Variants in RBFOX1 observed in about 807,000 individuals in gnomAD.
The protein encoded by RBFOX1 is RNA binding protein fox-1 homolog 1.
A neutral mutation model predicts 57.7 loss-of-function variants in RBFOX1; 8 were observed. That is an observed-to-expected ratio of 0.14 (90% CI 0.08 to 0.25). RBFOX1 has a LOEUF of 0.25. Ranked by LOEUF, RBFOX1 falls within the 10% of genes least tolerant of loss-of-function variation. The probability of loss-of-function intolerance (pLI) is 1.00; values close to 1 mark genes in which losing one functional copy is unlikely to be tolerated. For missense variants in RBFOX1, 611 were observed against 548.5 expected (o/e 1.11, Z -1.14); for synonymous variants, 326 against 222.4 (o/e 1.47, Z -4.15).
intron 2 of RBFOX1, among the ~76,000 whole-genome samples, chr16:5,500,767 G>T (rs2043166755): frequency 6.6e-6 from 1 of 152,122 alleles, no homozygotes; most frequent in East Asian, 1.9e-4. Context: ...TAAGCTTTTT[G>T]CGTGGTAACT....
In RBFOX1 at chr16:6,507,805, G is replaced by T. The variant is rs560088329; in HGVS notation, c.-63-146798G>T. On this transcript the variant is annotated intron_variant, in intron 2 of 15. Transcript: ENST00000550418. ...AAGACAGAAAGTAGAGTGGTGGTTA[G>T]CCAGGGCTAGAAGGAGGGGGGAATG... 4.6e-5 allele frequency among the ~76,000 whole-genome samples: 7 copies of T among 152,192 alleles called. No homozygotes were observed. In the South Asian group the frequency reaches 1.2e-3, roughly 27 times the overall value.
intron 4 of RBFOX1, among the ~76,000 whole-genome samples, chr16:7,460,063 G>T (rs534986107): frequency 3.3e-5 from 5 of 152,080 alleles, no homozygotes; most frequent in African/African-American, 9.6e-5. Context: ...CAGACTTAGG[G>T]TTAGATAATT....
intron 3 of RBFOX1, among the ~76,000 whole-genome samples, chr16:6,655,023 A>G (rs2098637098): frequency 6.6e-6 from 1 of 151,748 alleles, no homozygotes; most frequent in African/African-American, 2.4e-5. Flanking sequence ...ACATTATAGA[A>G]TATATAATAT....
intron 1 of RBFOX1, among the ~76,000 whole-genome samples, chr16:5,429,616 AG>A (rs1398627046): frequency 1.3e-5 from 2 of 152,172 alleles, no homozygotes; most frequent in Admixed American, 6.5e-5. Flanking sequence ...CATGTGGTTC[AG>A]CTCTGAGTCT....
chr16:6,853,467 G>T (rs544654325), intron 3 of RBFOX1, among the ~76,000 whole-genome samples: 1 of 152,112 alleles, frequency 6.6e-6, no homozygotes, highest in South Asian at 2.1e-4. Flanking sequence ...CATCCTGATG[G>T]AGGATGGTGC....
chr16:7,411,323 T>A (rs957423352), intron 4 of RBFOX1, among the ~76,000 whole-genome samples: 1 of 152,126 alleles, frequency 6.6e-6, no homozygotes, highest in Non-Finnish European at 1.5e-5. Flanking sequence ...GGTCTCATCC[T>A]CCTCAGTTTA....
chr16:7,099,703 A>G (rs1369672271), intron 4 of RBFOX1, among the ~76,000 whole-genome samples: 4 of 152,118 alleles, frequency 2.6e-5, no homozygotes, highest in Admixed American at 2.0e-4. Flanking sequence ...CATTGGTTCT[A>G]CCTGGAAGGG....
chr16:6,729,035 A>T (rs2067907158), intron 3 of RBFOX1, among the ~76,000 whole-genome samples: 1 of 152,178 alleles, frequency 6.6e-6, no homozygotes, highest in Middle Eastern at 3.2e-3. Context: ...ATAACTTTAA[A>T]TAATTCATTT....
At chr16:5,332,606 A>T (rs766118579) in intron 1 of RBFOX1, among the ~76,000 whole-genome samples, 1 of 145,410 alleles carries the variant, frequency 6.9e-6, no homozygotes, top group African/African-American at 2.8e-5. Flanking sequence ...AGATTCAAAT[A>T]AATATATATA....
At chr16:5,977,764 T>C (rs2060094265) in intron 4 of RBFOX1, among the ~76,000 whole-genome samples, 1 of 152,094 alleles carries the variant, frequency 6.6e-6, no homozygotes, top group Admixed American at 6.6e-5. Context: ...GGCAGGCAAC[T>C]AGCCCACTGT....
chr16:7,256,046 G>A (rs2094667391), intron 4 of RBFOX1, among the ~76,000 whole-genome samples: 2 of 152,136 alleles, frequency 1.3e-5, no homozygotes, highest in Admixed American at 1.3e-4. Context: ...AATACATACT[G>A]CCTTTGTAAT....
intron 12 of RBFOX1, among the ~76,000 whole-genome samples, chr16:7,664,134 G>C (rs547745939): frequency 9.9e-5 from 15 of 152,218 alleles, no homozygotes; most frequent in African/African-American, 2.6e-4. Flanking sequence ...GTACATATAA[G>C]TACACAAATA....
chr16:7,067,943 A>G (rs1220149417), intron 4 of RBFOX1, among the ~76,000 whole-genome samples: 1 of 142,434 alleles, frequency 7.0e-6, no homozygotes, highest in Non-Finnish European at 1.5e-5. Flanking sequence ...TAGTGTCTAG[A>G]GGGCGCCATT....
At chr16:6,775,870 C>T (rs937518357) in intron 3 of RBFOX1, 4 of 152,180 alleles carry the variant, frequency 2.6e-5, no homozygotes, top group Non-Finnish European at 4.4e-5. Context: ...TGCAAAGCTT[C>T]CACGATCCTC....
intron 4 of RBFOX1, among the ~76,000 whole-genome samples, chr16:5,991,443 C>T (rs893064649): frequency 4.6e-5 from 7 of 152,118 alleles, no homozygotes; most frequent in Non-Finnish European, 1.0e-4. Flanking sequence ...CAGCTTTGTG[C>T]TGGGGAATGG....
chr16:7,084,571 A>G (rs930580862), intron 4 of RBFOX1, among the ~76,000 whole-genome samples: 4 of 152,198 alleles, frequency 2.6e-5, no homozygotes, highest in Admixed American at 1.3e-4. Context: ...GTGCTGCCTC[A>G]TAACTGACTT....
chr16:5,639,260 C>T (rs1055236847), intron 3 of RBFOX1, among the ~76,000 whole-genome samples: 1 of 152,218 alleles, frequency 6.6e-6, no homozygotes, highest in South Asian at 2.1e-4. Context: ...ACTAATTGCA[C>T]AATTGTGCTG....
At chr16:5,945,279 C>G (rs184087606) in intron 4 of RBFOX1, among the ~76,000 whole-genome samples, 1 of 152,110 alleles carries the variant, frequency 6.6e-6, no homozygotes, top group Admixed American at 6.5e-5. Flanking sequence ...ACACGAGGAC[C>G]CACACATGGT....
chr16:6,969,550 C>A (rs777122896), intron 3 of RBFOX1, among the ~76,000 whole-genome samples: 1 of 151,368 alleles, frequency 6.6e-6, no homozygotes, highest in Non-Finnish European at 1.5e-5. Context: ...CACTGGGCAA[C>A]AAAATGAGAC....
Sources: gnomAD v4.1 joint callset for allele counts (sites outside exome capture counted in the v4.1 genomes callset) on GRCh38, gnomAD v4.1.1 for gene constraint, MANE v1.5 for transcripts, NCBI Gene and HGNC (gene_info 2026-07-23, HGNC 2026-07-21) for gene names.